Variants in DOK6 observed in about 807,000 individuals in gnomAD.
DOK6 encodes docking protein 6.
DOK6 carries 22 observed loss-of-function variants against 44.0 expected under a neutral mutation model. The ratio of observed to expected loss-of-function variants is 0.50; its 90% confidence interval spans 0.36 to 0.71. DOK6 has a LOEUF of 0.71. Among genes scored for constraint, DOK6 ranks in the 30% least tolerant of loss-of-function variants. The probability of loss-of-function intolerance (pLI) is 0.00; values close to 1 mark genes in which losing one functional copy is unlikely to be tolerated. For missense variants in DOK6, 340 were observed against 416.4 expected (o/e 0.82, Z 1.60); for synonymous variants, 166 against 145.5 (o/e 1.14, Z -1.01).
chr18:69,622,217 G>A (rs1018839212), intron 3 of DOK6, among the ~76,000 whole-genome samples: 1 of 152,092 alleles, frequency 6.6e-6, no homozygotes, highest in African/African-American at 2.4e-5. Context: ...TAAGCTCATT[G>A]CCTTATCTGT....
intron 7 of DOK6, among the ~76,000 whole-genome samples, chr18:69,818,802 G>A (rs555869447): frequency 6.6e-6 from 1 of 152,032 alleles, no homozygotes; most frequent in African/African-American, 2.4e-5. Context: ...GATGATAAAG[G>A]CCCCCTAGTT....
chr18:69,579,222 G>C (rs1983307620), intron 2 of DOK6, among the ~76,000 whole-genome samples: 1 of 152,128 alleles, frequency 6.6e-6, no homozygotes, highest in Non-Finnish European at 1.5e-5. Flanking sequence ...AGGCAAACAA[G>C]TTTTTGTTCC....
chr18:69,475,471 C>G (rs80089611), intron 1 of DOK6, among the ~76,000 whole-genome samples: 28,192 of 152,018 alleles, frequency 0.19, 3,131 homozygotes, highest in Non-Finnish European at 0.23. Flanking sequence ...AAAACATTAT[C>G]ACAGAATTGG....
At chr18:69,807,377 C>T (rs1037534114) in intron 7 of DOK6, among the ~76,000 whole-genome samples, 11 of 151,880 alleles carry the variant, frequency 7.2e-5, no homozygotes, top group South Asian at 4.2e-4. Context: ...AGATGAAGAA[C>T]GCAGCAAATG....
chr18:69,672,647 T>C (rs976040395), intron 3 of DOK6, among the ~76,000 whole-genome samples: 31 of 138,476 alleles, frequency 2.2e-4, no homozygotes, highest in African/African-American at 8.0e-4. Flanking sequence ...CGTGAGCCAC[T>C]GCGCCCGGCA....
chr18:69,824,055 A>ATTTTT (rs1423251717), intron 7 of DOK6, among the ~76,000 whole-genome samples: 10 of 151,580 alleles, frequency 6.6e-5, no homozygotes, highest in Admixed American at 3.9e-4. Context: ...TTTTTTTTTA[A>ATTTTT]AAATTATACT....
chr18:69,658,430 T>A (rs901419669), intron 3 of DOK6, among the ~76,000 whole-genome samples: 6 of 152,220 alleles, frequency 3.9e-5, no homozygotes, highest in Non-Finnish European at 8.8e-5. Context: ...GACTAGTACC[T>A]GGCACACAGT....
intron 5 of DOK6, among the ~76,000 whole-genome samples, chr18:69,716,985 C>A (rs1986898594): frequency 6.6e-6 from 1 of 152,146 alleles, no homozygotes; most frequent in Non-Finnish European, 1.5e-5. Flanking sequence ...TTTTTAGATT[C>A]TTCCATGGTA....
chr18:69,631,468 C>T (rs1984688523), intron 3 of DOK6, among the ~76,000 whole-genome samples: 1 of 152,174 alleles, frequency 6.6e-6, no homozygotes. Context: ...CATGAAACTC[C>T]AACTTTACCC....
At chr18:69,413,813 A>C (rs577756221) in intron 1 of DOK6, among the ~76,000 whole-genome samples, 2 of 152,036 alleles carry the variant, frequency 1.3e-5, no homozygotes, top group Admixed American at 6.6e-5. Flanking sequence ...AAGACAAGCT[A>C]TTTACTGGCA....
chr18:69,694,089 AAT>A (rs1986339358), intron 4 of DOK6, among the ~76,000 whole-genome samples: 2 of 144,320 alleles, frequency 1.4e-5, no homozygotes, highest in South Asian at 2.2e-4. Flanking sequence ...AAAAAAAAAA[AAT>A]TGATCTATTT....
chr18:69,560,844 G>A (rs569195844), intron 1 of DOK6, among the ~76,000 whole-genome samples: 77 of 152,210 alleles, frequency 5.1e-4, no homozygotes, highest in Non-Finnish European at 6.6e-4. Context: ...AAAGTTATGT[G>A]GCTCCAGCAA....
chr18:69,821,788 G>GTTTT (rs5825972), intron 7 of DOK6, among the ~76,000 whole-genome samples: 9 of 133,668 alleles, frequency 6.7e-5, no homozygotes, highest in South Asian at 2.3e-4. Context: ...GCATGCTATT[G>GTTTT]TTTTTTTTTT....
At chr18:69,585,556 G>A (rs981935859) in intron 2 of DOK6, among the ~76,000 whole-genome samples, 11 of 152,276 alleles carry the variant, frequency 7.2e-5, no homozygotes, top group African/African-American at 2.2e-4. Flanking sequence ...GCTTATGAGA[G>A]TGATAGGTTT....
At chr18:69,809,957 A>AT (rs1425432662) in intron 7 of DOK6, among the ~76,000 whole-genome samples, 12 of 152,054 alleles carry the variant, frequency 7.9e-5, no homozygotes, top group South Asian at 2.1e-4. Flanking sequence ...TTCCAATGAC[A>AT]TTTTTTATAA....
intron 1 of DOK6, chr18:69,469,872 T>A: frequency 4.2e-6 from 1 of 235,864 alleles, no homozygotes; most frequent in South Asian, 4.1e-5. Context: ...GTGCCGACCC[T>A]TCCCCAGGAA....
intron 2 of DOK6, among the ~76,000 whole-genome samples, chr18:69,573,235 G>T (rs1305932401): frequency 1.3e-5 from 2 of 151,736 alleles, no homozygotes; most frequent in Non-Finnish European, 2.9e-5. Flanking sequence ...CATGCTCTAT[G>T]TGTGTGATTT....
chr18:69,833,899 A>G (rs1468843107), intron 7 of DOK6, among the ~76,000 whole-genome samples: 2 of 152,260 alleles, frequency 1.3e-5, no homozygotes, highest in Non-Finnish European at 2.9e-5. Context: ...CAAAAAGACA[A>G]AAAATAACAA....
chr18:69,436,050 C>T (rs2122433323), intron 1 of DOK6, among the ~76,000 whole-genome samples: 1 of 152,116 alleles, frequency 6.6e-6, no homozygotes, highest in African/African-American at 2.4e-5. Flanking sequence ...CTTATAATTA[C>T]AGTTCTTACA....
Sources: gnomAD v4.1 joint callset for allele counts (sites outside exome capture counted in the v4.1 genomes callset) on GRCh38, gnomAD v4.1.1 for gene constraint, MANE v1.5 for transcripts, NCBI Gene and HGNC (gene_info 2026-07-23, HGNC 2026-07-21) for gene names.